STK3: variants seen among roughly 807,000 people sequenced by gnomAD.
STK3 encodes serine/threonine kinase 3.
In STK3, 41 loss-of-function variants were observed where a neutral mutation model predicts 58.0. The observed-to-expected ratio is 0.71, with a 90% CI of 0.55 to 0.92. The LOEUF is 0.92. Among genes scored for constraint, STK3 ranks in the 40% least tolerant of loss-of-function variants. The probability of loss-of-function intolerance (pLI) is 0.00; values close to 1 mark genes in which losing one functional copy is unlikely to be tolerated. For missense variants in STK3, 479 were observed against 602.7 expected (o/e 0.79, Z 2.15); for synonymous variants, 170 against 191.0 (o/e 0.89, Z 0.91).
At chr8:98,354,162 G>C in the STK3 span, among the ~76,000 whole-genome samples, 6 of 152,200 alleles carry the variant, frequency 3.9e-5, no homozygotes, top group African/African-American at 1.2e-4. Flanking sequence ...TTACTTTCAA[G>C]ATAAACTTTC....
At chr8:98,733,191 A>C (rs894802204) in intron 4 of STK3, among the ~76,000 whole-genome samples, 11 of 152,232 alleles carry the variant, frequency 7.2e-5, no homozygotes, top group Non-Finnish European at 1.2e-4. Flanking sequence ...CCTAGGAGCT[A>C]AAGATAAAAC....
intron 7 of STK3, among the ~76,000 whole-genome samples, chr8:98,586,819 G>A (rs1814652584): frequency 6.6e-6 from 1 of 151,908 alleles, no homozygotes; most frequent in Non-Finnish European, 1.5e-5. Flanking sequence ...TCCTGGTTTA[G>A]TCCTGGGAGA....
chr8:98,501,841 T>C (rs941513896), intron 10 of STK3, among the ~76,000 whole-genome samples: 5 of 152,270 alleles, frequency 3.3e-5, no homozygotes, highest in African/African-American at 1.2e-4. Flanking sequence ...GGTAGCGTGA[T>C]GCCTCCAGCT....
chr8:98,396,624 G>A (rs1250092619), downstream of STK3, among the ~76,000 whole-genome samples: 1 of 152,208 alleles, frequency 6.6e-6, no homozygotes, highest in African/African-American at 2.4e-5. Flanking sequence ...TGGATGTTCT[G>A]CCAATCCAGG....
intron 3 of STK3, among the ~76,000 whole-genome samples, chr8:98,755,014 G>A (rs1830205602): frequency 6.6e-6 from 1 of 152,176 alleles, no homozygotes; most frequent in Non-Finnish European, 1.5e-5. Flanking sequence ...TGAAAACACA[G>A]CCCTATCTCT....
At chr8:98,873,932 C>T (rs117697573) in intron 3 of STK3, among the ~76,000 whole-genome samples, 5,732 of 152,162 alleles carry the variant, frequency 0.038, 137 homozygotes, top group South Asian at 0.068. Flanking sequence ...AGTTTCTTCC[C>T]AGTATCAATG....
intron 6 of STK3, among the ~76,000 whole-genome samples, chr8:98,665,714 T>TTTA (rs1391038078): frequency 6.6e-6 from 1 of 150,518 alleles, no homozygotes; most frequent in Admixed American, 6.6e-5. Context: ...CTGATTTTTT[T>TTTA]TTTTTTTGAG....
intron 2 of STK3, among the ~76,000 whole-genome samples, chr8:98,372,354 C>A (rs1308684314): frequency 6.6e-6 from 1 of 152,186 alleles, no homozygotes; most frequent in Non-Finnish European, 1.5e-5. Flanking sequence ...AGTTCCAGAG[C>A]CTTATGCCTC....
chr8:98,631,376 C>T (rs904013240), intron 6 of STK3, among the ~76,000 whole-genome samples: 2 of 152,196 alleles, frequency 1.3e-5, no homozygotes, highest in Admixed American at 6.5e-5. Flanking sequence ...TCTCCTACTT[C>T]TTTCACCATC....
intron 1 of STK3, among the ~76,000 whole-genome samples, chr8:98,924,954 A>G (rs1192895818): frequency 6.6e-6 from 1 of 152,210 alleles, no homozygotes; most frequent in Non-Finnish European, 1.5e-5. Flanking sequence ...AAGGGAGAGG[A>G]CAAAATCCTC....
At chr8:98,400,732 T>C (rs906292469), downstream of STK3, among the ~76,000 whole-genome samples, 1 of 152,192 alleles carries the variant, frequency 6.6e-6, no homozygotes, top group African/African-American at 2.4e-5. Flanking sequence ...TAAATAATCT[T>C]AGATTTGATT....
At chr8:98,832,261 T>A (rs921091129) in intron 3 of STK3, among the ~76,000 whole-genome samples, 42 of 147,638 alleles carry the variant, frequency 2.8e-4, no homozygotes, top group South Asian at 1.5e-3. Flanking sequence ...AAAAAATATA[T>A]ATATATATAT....
chr8:98,550,488 C>A (rs2068978036), intron 8 of STK3, among the ~76,000 whole-genome samples: 1 of 152,164 alleles, frequency 6.6e-6, no homozygotes, highest in African/African-American at 2.4e-5. Flanking sequence ...ACAACCACCA[C>A]AAAGCATGGT....
intron 9 of STK3, among the ~76,000 whole-genome samples, chr8:98,531,616 G>A (rs1826177973): frequency 6.6e-6 from 1 of 152,182 alleles, no homozygotes. Flanking sequence ...GTCCTTTGAA[G>A]CTCTGAAGCC....
At chr8:98,580,613 T>C (rs1211436353) in intron 7 of STK3, among the ~76,000 whole-genome samples, 1 of 152,186 alleles carries the variant, frequency 6.6e-6, no homozygotes, top group African/African-American at 2.4e-5. Flanking sequence ...AGTGAGTTAT[T>C]TGTTTATTTG....
chr8:98,511,606 C>A (rs1305064726), intron 10 of STK3, among the ~76,000 whole-genome samples: 1 of 151,838 alleles, frequency 6.6e-6, no homozygotes, highest in Non-Finnish European at 1.5e-5. Context: ...TTATAATTTA[C>A]CATGAATTAA....
At chr8:98,743,371 TG>T (rs1829378013) in intron 4 of STK3, among the ~76,000 whole-genome samples, 1 of 152,052 alleles carries the variant, frequency 6.6e-6, no homozygotes, top group African/African-American at 2.4e-5. Flanking sequence ...AGCATGGTAC[TG>T]GTACCAAAAC....
intron 1 of STK3, among the ~76,000 whole-genome samples, chr8:98,935,696 TTTTCTC>T (rs1249216219): frequency 2.0e-5 from 3 of 152,130 alleles, no homozygotes; most frequent in Admixed American, 2.0e-4. Context: ...ATGAGTAACT[TTTTCTC>T]TAACATTTGT....
chr8:98,836,396 A>T (rs1835749530), intron 3 of STK3, among the ~76,000 whole-genome samples: 1 of 152,186 alleles, frequency 6.6e-6, no homozygotes, highest in Non-Finnish European at 1.5e-5. Flanking sequence ...TAAGGGACAA[A>T]TTCCATTAAT....
Sources: allele counts gnomAD v4.1 joint callset (sites outside exome capture counted in the v4.1 genomes callset), GRCh38; gene constraint gnomAD v4.1.1; transcripts MANE v1.5; gene names NCBI Gene and HGNC (gene_info 2026-07-23, HGNC 2026-07-21).